ARMC6: variants seen among roughly 807,000 people sequenced by gnomAD.
ARMC6 encodes armadillo repeat-containing protein 6.
A neutral mutation model predicts 49.2 loss-of-function variants in ARMC6; 43 were observed. That is an observed-to-expected ratio of 0.87 (90% CI 0.69 to 1.13). The LOEUF (loss-of-function observed/expected upper bound fraction) is 1.13. Ranked by LOEUF, ARMC6 falls within the 50% of genes most tolerant of loss-of-function variation. The pLI is 0.00. For missense variants in ARMC6, 627 were observed against 682.0 expected (o/e 0.92, Z 0.90); for synonymous variants, 262 against 289.6 (o/e 0.90, Z 0.97).
rs1323250576 is a variant in ARMC6 at position 19,033,799 on chromosome 19, G to A, written c.-211G>A. The A allele has an allele frequency of 2.0e-5, 5 of 248,276 alleles. No homozygotes were observed. The South Asian group carries it at 6.1e-4, about 30-fold the overall frequency. 15.4% of individuals were successfully genotyped at this position (248,276 alleles called of 1,614,324 possible). A position where few individuals can be genotyped will look rare whatever the true frequency, so the allele number is the denominator to read the frequency against. On this transcript the variant is annotated 5_prime_UTR_variant, in exon 1 of 9. Coordinates refer to ENST00000535612, the MANE Select transcript of ARMC6 (RefSeq NM_001199196.2). ...TCGTCCTTGGTTATCGTGAGCGTCC[G>A]CGAGTCTCTGGGAGGCCAAGCCTAG...
At chr19:19,054,013 TG>T in intron 5 of ARMC6, 138 bp from the exon 6 acceptor site, 2 of 781,552 alleles carry the variant, frequency 2.6e-6, no homozygotes, top group Non-Finnish European at 1.8e-6. Context: ...TGGTGTTCCC[TG>T]GGGCCTTCCT....
chr19:19,045,742 C>T (rs560268470), intron 4 of ARMC6, among the ~76,000 whole-genome samples: 205 of 151,848 alleles, frequency 1.4e-3, no homozygotes, highest in Non-Finnish European at 2.5e-3. Flanking sequence ...AGCTCTGCCT[C>T]CTGGGCTCAC....
chr19:19,041,161 G>A (rs2059408964), intron 2 of ARMC6, among the ~76,000 whole-genome samples: 1 of 152,064 alleles, frequency 6.6e-6, no homozygotes, highest in East Asian at 1.9e-4. Flanking sequence ...GGAAATGGTA[G>A]AAACCATACA....
intron 4 of ARMC6, among the ~76,000 whole-genome samples, chr19:19,051,373 C>CTGTGTGTGTGTGTG (rs1279966843): frequency 2.6e-5 from 3 of 115,052 alleles, no homozygotes; most frequent in African/African-American, 1.1e-4. Context: ...CTCTCTCTCT[C>CTGTGTGTGTGTGTG]TCTGTGTGTG....
At position 19,053,009 on chromosome 19, in the gene ARMC6, T is replaced by C. The variant is rs780692624; in HGVS notation, c.853+814T>C. ...TTAGGTTTCTGCCAGAGACAGGATA[T>C]GTATATATGAAGAGACTTTTTGGTA... On this transcript the variant is annotated intron_variant, in intron 5 of 8. Transcript: ENST00000535612. 2.0e-5 allele frequency among the ~76,000 whole-genome samples: 3 copies of C among 152,212 alleles called. No individual in the cohort carries two copies. The South Asian group carries it at 6.2e-4, about 32-fold the overall frequency.
chr19:19,046,493 A>G (rs113457764), intron 4 of ARMC6, among the ~76,000 whole-genome samples: 1 of 148,406 alleles, frequency 6.7e-6, no homozygotes, highest in Non-Finnish European at 1.5e-5. Flanking sequence ...CACCACGCCC[A>G]GCCTATTTAT....
At chr19:19,043,630 A>G (rs1055620073) in intron 3 of ARMC6, among the ~76,000 whole-genome samples, 2 of 152,158 alleles carry the variant, frequency 1.3e-5, no homozygotes, top group South Asian at 4.1e-4. Context: ...GAATGCAGCC[A>G]GAGCCAGGAG....
intron 5 of ARMC6, 126 bp from the exon 6 acceptor site, chr19:19,054,026 G>T: frequency 1.1e-6 from 1 of 933,826 alleles, no homozygotes; most frequent in Non-Finnish European, 1.5e-6. Flanking sequence ...GGCCTTCCTG[G>T]TGCCCGTGGC....
intron 2 of ARMC6, among the ~76,000 whole-genome samples, chr19:19,042,051 A>G (rs926038914): frequency 6.6e-6 from 1 of 151,338 alleles, no homozygotes; most frequent in East Asian, 2.0e-4. Context: ...GTGCCACCAC[A>G]CTCAGCTAAT....
chr19:19,052,363 G>A (rs1004470572), intron 5 of ARMC6, among the ~76,000 whole-genome samples, 168 bp downstream of exon 5: 5 of 152,300 alleles, frequency 3.3e-5, no homozygotes, highest in African/African-American at 1.2e-4. Context: ...GTCTCCCCAT[G>A]TTTTCTAGTG....
In ARMC6 at chr19:19,054,015, G is replaced by A. The variant is rs1001578622; in HGVS notation, c.854-137G>A. 2.9e-5 allele frequency: 23 copies of A among 796,054 alleles called. No individual in the cohort carries two copies. The African/African-American group carries it at 4.0e-4, about 14-fold the overall frequency. 49.3% of individuals were successfully genotyped at this position (796,054 alleles called of 1,614,324 possible). On this transcript the variant is annotated intron_variant, in intron 5 of 8. Transcript: ENST00000535612. ...CCCAGGTAGCCCCTGGTGTTCCCTG[G>A]GGCCTTCCTGGTGCCCGTGGCCACT...
In ARMC6 at chr19:19,041,114, G is replaced by T. The variant is rs535600212; in HGVS notation, c.30-1597G>T. 3.3e-5 allele frequency among the ~76,000 whole-genome samples: 5 copies of T among 151,906 alleles called. No individual in the cohort carries two copies. The South Asian group carries it at 1.0e-3, about 32-fold the overall frequency. ...CTCCCAAAGTGCTGGGATTACAGGA[G>T]TGAGCCACCTAGCCCTGGCCCCAGC... On this transcript the variant is annotated intron_variant, in intron 2 of 8. Coordinates refer to ENST00000535612, the MANE Select transcript of ARMC6 (RefSeq NM_001199196.2).
At chr19:19,043,932 G>C in intron 3 of ARMC6, 60 bp from the exon 4 acceptor site, 1 of 1,514,576 alleles carries the variant, frequency 6.6e-7, no homozygotes. Context: ...AGGCCCACGG[G>C]GATGACAGCT....
At position 19,043,725 on chromosome 19, in the gene ARMC6, A is replaced by C. The variant is rs117249822; in HGVS notation, c.197-267A>C. 1.7e-3 allele frequency among the ~76,000 whole-genome samples: 252 copies of C among 152,266 alleles called. 7 individuals are homozygous for C. In the East Asian group the frequency reaches 0.044, roughly 26 times the overall value. The stretch of plus-strand genomic sequence containing the variant: ...GGCAGCATGTGGCACCTCACTGCAC[A>C]GACGTGGCCTGTGATGACAGCCTTG... On this transcript the variant is annotated intron_variant, in intron 3 of 8. Coordinates refer to ENST00000535612, the MANE Select transcript of ARMC6 (RefSeq NM_001199196.2).
chr19:19,055,910 G>C lies in ARMC6; in HGVS notation c.1275G>C (p.Pro425=). The change falls in exon 8 of 9, where the codon CCG becomes CCC. Residue 425 remains proline, a synonymous_variant. Transcript: ENST00000535612. This position sits in a 1 kb window ranked among gnomAD's most constrained non-coding sequence, Gnocchi z 5.7. ...CACTGCAGGCCATGAAGGCACACCCGCAGAAGGCCGGCGTGCAGGTGGGCA... is the reference window on the plus strand; with the variant it reads ...CACTGCAGGCCATGAAGGCACACCCCCAGAAGGCCGGCGTGCAGGTGGGCA... The part of the protein sequence containing the change: ...VAALQAMKAH[P]QKAGVQKQAC... 6.2e-7 allele frequency: 1 copy of C among 1,610,846 alleles called. No homozygotes were observed. The highest frequency in any genetic ancestry group is 1.7e-4 in the Middle Eastern group (1 of 5,970).
intron 3 of ARMC6, among the ~76,000 whole-genome samples, chr19:19,043,638 G>C (rs2059426481): frequency 6.6e-6 from 1 of 152,140 alleles, no homozygotes; most frequent in South Asian, 2.1e-4. Context: ...CCAGAGCCAG[G>C]AGGGATGGGA....
intron 4 of ARMC6, 136 bp from the exon 5 acceptor site, chr19:19,051,486 G>A (rs1322442338): frequency 1.3e-6 from 1 of 797,258 alleles, no homozygotes; most frequent in East Asian, 2.5e-5. Flanking sequence ...TGCCAGAGCT[G>A]TAACTTGCCC....
rs146004029 is a variant in ARMC6, at chr19:19,044,406, A to G, written c.279+332A>G. Among the ~76,000 whole-genome samples the G allele has an allele frequency of 3.2e-3, 486 of 152,302 alleles. 2 individuals carry two copies. Among genetic ancestry groups the G allele is most frequent in the African/African-American group, 0.011 (464 of 41,578 alleles). On this transcript the variant is annotated intron_variant, in intron 4 of 8. Transcript: ENST00000535612. Reference sequence around the variant, plus strand: ...ACAGATGGTCAGGACTCATAGGACGAGAGAGTGGGCTCACAGTAAGGCTGT... The same window carrying G: ...ACAGATGGTCAGGACTCATAGGACGGGAGAGTGGGCTCACAGTAAGGCTGT...
At chr19:19,051,373 C>G (rs78157868) in intron 4 of ARMC6, among the ~76,000 whole-genome samples, 2,690 of 114,844 alleles carry the variant, frequency 0.023, 90 homozygotes, top group African/African-American at 0.096. Context: ...CTCTCTCTCT[C>G]TCTGTGTGTG....
Sources: allele counts gnomAD v4.1 joint callset (sites outside exome capture counted in the v4.1 genomes callset), GRCh38; gene constraint gnomAD v4.1.1; non-coding constraint Gnocchi (gnomAD v3.1); transcripts MANE v1.5; gene names NCBI Gene and HGNC (gene_info 2026-07-23, HGNC 2026-07-21).